LRRC20: variants seen among roughly 807,000 people sequenced by gnomAD.
LRRC20 encodes the protein leucine-rich repeat-containing protein 20.
Under a neutral mutation model 14.4 loss-of-function variants are expected in LRRC20, and 11 were observed. The observed-to-expected ratio is 0.77, with a 90% CI of 0.48 to 1.27. The LOEUF (loss-of-function observed/expected upper bound fraction) is 1.27. Ranked by LOEUF, LRRC20 falls within the 50% of genes most tolerant of loss-of-function variation. The pLI is 0.00. For missense variants in LRRC20, 219 were observed against 251.2 expected (o/e 0.87, Z 0.87); for synonymous variants, 121 against 107.3 (o/e 1.13, Z -0.79).
Position 70,368,036 on chromosome 10 carries a change from T to A in LRRC20, c.82+8416A>T, listed in dbSNP as rs180706738. On this transcript the variant is annotated intron_variant, in intron 2 of 4. Transcript: ENST00000446961. The stretch of plus-strand genomic sequence containing the variant: ...TCTCGCTCTGTCACCCAGGCTGGAG[T>A]GCAGTAGCACAATCTTGGCTCACTG... Among the ~76,000 whole-genome samples, 517 of 151,658 alleles carry A rather than the reference T, an allele frequency of 3.4e-3. 4 individuals carry two copies. Among genetic ancestry groups the A allele is most frequent in the African/African-American group, 0.012 (475 of 41,278 alleles).
intron 2 of LRRC20, among the ~76,000 whole-genome samples, chr10:70,353,696 C>G (rs1843412293): frequency 6.6e-6 from 1 of 152,154 alleles, no homozygotes; most frequent in Non-Finnish European, 1.5e-5. Context: ...TCCTGTTGTA[C>G]AGAGGAGGAA....
At chr10:70,304,470 T>TTATATAGATATAGATATATA (rs1554835659) in intron 4 of LRRC20, among the ~76,000 whole-genome samples, 1 of 113,826 alleles carries the variant, frequency 8.8e-6, no homozygotes, top group African/African-American at 3.0e-5. Context: ...GGCCACTTCT[T>TTATATAGATATAGATATATA]TATATATATA....
In LRRC20 at chr10:70,358,581, A is replaced by G. The variant is rs568144193; in HGVS notation, c.82+17871T>C. Among the ~76,000 whole-genome samples, 12 of 152,296 alleles carry G rather than the reference A, an allele frequency of 7.9e-5. 1 individual carries two copies. In the East Asian group the frequency reaches 1.5e-3, roughly 20 times the overall value. ...AATGTCGCCAACCAGTGCCTTGTGC[A>G]CCACGTCTGCCCCAGACAGACACCA... is the stretch of plus-strand genomic sequence containing the variant. On this transcript the variant is annotated intron_variant, in intron 2 of 4. Transcript: ENST00000446961.
intron 2 of LRRC20, among the ~76,000 whole-genome samples, chr10:70,363,420 G>A (rs1843832359): frequency 6.6e-6 from 1 of 152,162 alleles, no homozygotes; most frequent in African/African-American, 2.4e-5. Context: ...AATGAACCAG[G>A]AAGCAGACCT....
At chr10:70,343,955 T>C (rs1026177636) in intron 2 of LRRC20, among the ~76,000 whole-genome samples, 2 of 152,206 alleles carry the variant, frequency 1.3e-5, no homozygotes, top group Non-Finnish European at 2.9e-5. Flanking sequence ...ATCCAGTACA[T>C]TGGGAGACCA....
chr10:70,348,795 C>T (rs990112531), intron 2 of LRRC20, among the ~76,000 whole-genome samples: 6 of 152,204 alleles, frequency 3.9e-5, no homozygotes, highest in Non-Finnish European at 8.8e-5. Flanking sequence ...GGGAAAGGGG[C>T]CAACAGCCTT....
intron 2 of LRRC20, among the ~76,000 whole-genome samples, chr10:70,372,959 GA>G (rs1844362611): frequency 7.1e-6 from 1 of 141,782 alleles, no homozygotes; most frequent in South Asian, 2.3e-4. Context: ...AAAAAAAATA[GA>G]AAAATAAGCC....
At chr10:70,306,149 C>T (rs1355308215) in intron 4 of LRRC20, among the ~76,000 whole-genome samples, 3 of 151,924 alleles carry the variant, frequency 2.0e-5, no homozygotes, top group Admixed American at 6.6e-5. Flanking sequence ...CACACACACA[C>T]GCTTTTTTTC....
chr10:70,355,402 T>C (rs1843481077), intron 2 of LRRC20, among the ~76,000 whole-genome samples: 1 of 152,096 alleles, frequency 6.6e-6, no homozygotes, highest in South Asian at 2.1e-4. Flanking sequence ...GTTTCCTGTC[T>C]CATGCCCCTT....
At chr10:70,303,704 A>G (rs1406964038) in intron 4 of LRRC20, among the ~76,000 whole-genome samples, 1 of 152,238 alleles carries the variant, frequency 6.6e-6, no homozygotes, top group African/African-American at 2.4e-5. Flanking sequence ...CTGAAGACGC[A>G]GCACAGCCTA....
chr10:70,340,788 A>C (rs1318278281), intron 2 of LRRC20, 86 bp from the exon 3 acceptor site: 1 of 1,429,950 alleles, frequency 7.0e-7, no homozygotes, highest in Non-Finnish European at 9.7e-7. Flanking sequence ...CCCCACCTCC[A>C]TGCCCCCTTC....
rs76593570 is a variant in LRRC20 at position 70,305,386 on chromosome 10, A to G, written c.401-3878T>C. ...GGGTATATATGTGATGTATACCCAG[A>G]TGTATGAGACCCCCACCCAGATAAA... On this transcript the variant is annotated intron_variant, in intron 4 of 4. Transcript: ENST00000446961. 2.8e-3 allele frequency among the ~76,000 whole-genome samples: 433 copies of G among 152,264 alleles called. 2 individuals carry two copies. The highest frequency in any genetic ancestry group is 6.8e-3 in the Middle Eastern group (2 of 294).
intron 2 of LRRC20, among the ~76,000 whole-genome samples, chr10:70,361,147 G>T (rs1843705614): frequency 6.6e-6 from 1 of 152,020 alleles, no homozygotes; most frequent in South Asian, 2.1e-4. Context: ...TTTAAGATTT[G>T]CTGGCTGTGA....
intron 3 of LRRC20, among the ~76,000 whole-genome samples, chr10:70,329,452 T>C (rs1378555562): frequency 1.3e-5 from 2 of 152,206 alleles, no homozygotes; most frequent in Non-Finnish European, 2.9e-5. Context: ...TTGAAGATGC[T>C]CTTTACCAAG....
intron 4 of LRRC20, among the ~76,000 whole-genome samples, chr10:70,308,916 C>T (rs1002630223): frequency 2.0e-5 from 3 of 152,196 alleles, no homozygotes; most frequent in Admixed American, 6.5e-5. Context: ...CCTCGCTCGT[C>T]CCAGCCTCTT....
intron 2 of LRRC20, among the ~76,000 whole-genome samples, chr10:70,344,759 G>T (rs1843019334): frequency 6.6e-6 from 1 of 152,130 alleles, no homozygotes; most frequent in African/African-American, 2.4e-5. Flanking sequence ...TAGAGATGGA[G>T]TTTTGCCATG....
intron 3 of LRRC20, among the ~76,000 whole-genome samples, chr10:70,329,646 C>T (rs1161311960): frequency 2.0e-5 from 3 of 149,618 alleles, no homozygotes; most frequent in African/African-American, 7.4e-5. Context: ...ACTGCAACTT[C>T]TGCCTCCCGG....
At chr10:70,373,048 T>C (rs1474114589) in intron 2 of LRRC20, among the ~76,000 whole-genome samples, 1 of 151,814 alleles carries the variant, frequency 6.6e-6, no homozygotes, top group Non-Finnish European at 1.5e-5. Context: ...GAGAGGGAGG[T>C]TGCAGTGAGC....
At chr10:70,364,341 T>A (rs779767175) in intron 2 of LRRC20, among the ~76,000 whole-genome samples, 1 of 152,224 alleles carries the variant, frequency 6.6e-6, no homozygotes, top group East Asian at 1.9e-4. Context: ...TAGAGCGATG[T>A]CTGCCTCCCC....
Sources: gnomAD v4.1 joint callset for allele counts (sites outside exome capture counted in the v4.1 genomes callset) on GRCh38, gnomAD v4.1.1 for gene constraint, MANE v1.5 for transcripts, NCBI Gene and HGNC (gene_info 2026-07-23, HGNC 2026-07-21) for gene names.